Variants in PCDHGA8 observed in about 807,000 individuals in gnomAD.
PCDHGA8 encodes protocadherin gamma-A8.
A neutral mutation model predicts 59.2 loss-of-function variants in PCDHGA8; 45 were observed. The ratio of observed to expected loss-of-function variants is 0.76; its 90% CI spans 0.60 to 0.98. The LOEUF is 0.98. Among genes scored for constraint, PCDHGA8 ranks in the 50% least tolerant of loss-of-function variants. PCDHGA8 has a pLI of 0.00. For synonymous variants in PCDHGA8, 531 were observed against 519.0 expected (o/e 1.02, Z -0.32); for missense variants, 1,257 against 1,196.2 (o/e 1.05, Z -0.75).
At chr5:141,459,632 A>G (rs1202000974) in intron 1 of PCDHGA8, among the ~76,000 whole-genome samples, 1 of 152,214 alleles carries the variant, frequency 6.6e-6, no homozygotes, top group East Asian at 1.9e-4. Flanking sequence ...AAGCTGCCAA[A>G]CTATTTTTCA....
In PCDHGA8 at chr5:141,419,475, C is replaced by T. The variant is rs775720158; in HGVS notation, c.2424+24238C>T. On this transcript the variant is annotated intron_variant, in intron 1 of 3. Coordinates refer to ENST00000398604, the MANE Select transcript of PCDHGA8 (RefSeq NM_032088.2). Reference sequence around the variant, plus strand: ...ACGCTGCAGGCCCGCGACCAGGGCTCGCCCGCGCTCAGCGCCAATGTGAGC... The same window carrying T: ...ACGCTGCAGGCCCGCGACCAGGGCTTGCCCGCGCTCAGCGCCAATGTGAGC... The T allele has an allele frequency of 4.6e-5, 74 of 1,612,266 alleles. No homozygotes were observed. The highest frequency in any genetic ancestry group is 5.9e-5 in the Non-Finnish European group (70 of 1,179,514).
Position 141,477,914 on chromosome 5 carries a change from G to T in PCDHGA8, c.2425-16893G>T. On this transcript the variant is annotated intron_variant, in intron 1 of 3. Coordinates refer to ENST00000398604, the MANE Select transcript of PCDHGA8 (RefSeq NM_032088.2). The surrounding 1 kb of genome is among the most constrained non-coding windows in gnomAD (Gnocchi z 4.9). ...ACGGGTGGTAGGCTGGGACGCGGAT[G>T]CAGGGCACAATGCCTGGCTCTCCTA... 2 of 1,614,204 alleles carry T rather than the reference G, an allele frequency of 1.2e-6. No homozygotes were observed. The highest frequency in any genetic ancestry group is 1.7e-6 in the Non-Finnish European group (2 of 1,180,044).
Position 141,485,842 on chromosome 5 carries a change from T to G in PCDHGA8, c.2425-8965T>G. 4 of 1,614,002 alleles carry G rather than the reference T, an allele frequency of 2.5e-6. No homozygotes were observed. The highest frequency in any genetic ancestry group is 3.4e-6 in the Non-Finnish European group (4 of 1,179,982). On this transcript the variant is annotated intron_variant, in intron 1 of 3. Coordinates refer to ENST00000398604, the MANE Select transcript of PCDHGA8 (RefSeq NM_032088.2). The surrounding 1 kb of genome is among the most constrained non-coding windows in gnomAD (Gnocchi z 5.7). ...TCGATGGAGGGAACCCGCCGAGATC[T>G]GGCACCGCAGAGCTCCGGGTATCCG...
At chr5:141,454,941 G>A (rs2098807517) in intron 1 of PCDHGA8, among the ~76,000 whole-genome samples, 1 of 150,970 alleles carries the variant, frequency 6.6e-6, no homozygotes, top group Non-Finnish European at 1.5e-5. Flanking sequence ...CCGAGTAGCT[G>A]GGACTACAGG....
At position 141,487,667 on chromosome 5, in the gene PCDHGA8, ATATGGCTAGGCCATG is replaced by A; in HGVS notation, c.2425-7138_2425-7124del. 1.9e-6 allele frequency: 3 copies of A among 1,612,782 alleles called. No individual in the cohort carries two copies. In the South Asian group the frequency reaches 3.3e-5, roughly 18 times the overall value. ...GCTTGAGGGTTATTCTGATCCAGGC[ATATGGCTAGGCCATG>A]TCCTAGAGAGTACTGGCCTCTCAGT... On this transcript the variant is annotated intron_variant, in intron 1 of 3. Transcript: ENST00000398604. The surrounding 1 kb of genome is among the most constrained non-coding windows in gnomAD (Gnocchi z 5.0).
chr5:141,431,408 G>A lies in PCDHGA8; in HGVS notation c.2424+36171G>A. ...CCACCTGGTCCTTACGGCCTCCGAC[G>A]GGGGCGACCCGGTGCGCACAGGCAC... On this transcript the variant is annotated intron_variant, in intron 1 of 3. Transcript: ENST00000398604. The surrounding 1 kb of genome is among the most constrained non-coding windows in gnomAD (Gnocchi z 4.8). 6.2e-7 allele frequency: 1 copy of A among 1,613,718 alleles called. No individual in the cohort carries two copies. The highest frequency in any genetic ancestry group is 2.2e-5 in the East Asian group (1 of 44,882).
At chr5:141,498,991 AG>A (rs1449718352) in intron 2 of PCDHGA8, among the ~76,000 whole-genome samples, 8 of 144,362 alleles carry the variant, frequency 5.5e-5, no homozygotes, top group Non-Finnish European at 1.0e-4. Context: ...GAAGGAAGGA[AG>A]GAAGGAAGGA....
At chr5:141,498,073 T>C (rs1474889879) in intron 2 of PCDHGA8, among the ~76,000 whole-genome samples, 1 of 152,214 alleles carries the variant, frequency 6.6e-6, no homozygotes, top group Non-Finnish European at 1.5e-5. Context: ...CTGTCATAAG[T>C]GCTAGGTAGA....
chr5:141,459,090 A>G (rs769066156), intron 1 of PCDHGA8, among the ~76,000 whole-genome samples: 4 of 152,218 alleles, frequency 2.6e-5, no homozygotes, highest in Non-Finnish European at 4.4e-5. Flanking sequence ...TTAAAATTAT[A>G]CAGTGCAATG....
intron 1 of PCDHGA8, chr5:141,428,371 C>A: frequency 5.6e-6 from 3 of 536,772 alleles, no homozygotes; most frequent in Non-Finnish European, 1.0e-5. Flanking sequence ...CGCCTTGCAC[C>A]TGCGATGCTC....
At chr5:141,433,487 C>T (rs1052153936) in intron 1 of PCDHGA8, among the ~76,000 whole-genome samples, 3 of 152,094 alleles carry the variant, frequency 2.0e-5, no homozygotes, top group African/African-American at 7.2e-5. Context: ...TCCTGCTTCT[C>T]CCTCCCAAAC....
chr5:141,490,345 G>GT lies in PCDHGA8; in HGVS notation c.2425-4461dup, dbSNP rs1363310763. The GT allele has an allele frequency of 6.2e-7, 1 of 1,614,216 alleles. No individual in the cohort carries two copies. The highest frequency in any genetic ancestry group is 2.2e-5 in the East Asian group (1 of 44,886). ...AGAGAGCACACCAGTGGGCACAGTAGTGGGGTTGTTTAATGTGCGAGACCG... is the reference window on the plus strand; with the variant it reads ...AGAGAGCACACCAGTGGGCACAGTAGTTGGGGTTGTTTAATGTGCGAGACCG... On this transcript the variant is annotated intron_variant, in intron 1 of 3. Transcript: ENST00000398604. This position sits in a 1 kb window ranked among gnomAD's most constrained non-coding sequence, Gnocchi z 5.4.
At chr5:141,438,063 A>G (rs540817874) in intron 1 of PCDHGA8, among the ~76,000 whole-genome samples, 11 of 152,224 alleles carry the variant, frequency 7.2e-5, no homozygotes, top group Non-Finnish European at 1.5e-4. Context: ...CTTTTAAGAA[A>G]CCATACTTAA....
In PCDHGA8 at chr5:141,487,268, G is replaced by A; in HGVS notation, c.2425-7539G>A. ...CCTCTACTTGGCTGTGTCCCTAGTG[G>A]CAATTTGCTTTGTCTCCTTTGGCTC... On this transcript the variant is annotated intron_variant, in intron 1 of 3. Transcript: ENST00000398604. This position sits in a 1 kb window ranked among gnomAD's most constrained non-coding sequence, Gnocchi z 5.0. 4 of 1,614,100 alleles carry A rather than the reference G, an allele frequency of 2.5e-6. No homozygotes were observed. The South Asian group carries it at 4.4e-5, about 18-fold the overall frequency.
chr5:141,394,756 A>T lies in PCDHGA8; in HGVS notation c.1943A>T (p.Asp648Val), dbSNP rs757241753. 1.2e-6 allele frequency: 2 copies of T among 1,613,324 alleles called. No individual in the cohort carries two copies. Among genetic ancestry groups the T allele is most frequent in the Non-Finnish European group, 1.7e-6 (2 of 1,179,952 alleles). The part of the protein sequence containing the change: ...LKQSLVVAVQ[D>V]HGQPPLSATV... ...CAGAGCCTCGTGGTGGCCGTCCAGG[A>T]CCATGGCCAGCCCCCTCTCTCCGCC... The change falls in exon 1 of 4, where the codon GAC (aspartate) becomes GTC (valine). Residue 648 changes from aspartate (D) to valine (V), a missense_variant. Transcript: ENST00000398604.
At position 141,485,100 on chromosome 5, in the gene PCDHGA8, C is replaced by G. The variant is rs900224386; in HGVS notation, c.2425-9707C>G. 1.0e-5 allele frequency: 12 copies of G among 1,148,882 alleles called. No homozygotes were observed. Among genetic ancestry groups the G allele is most frequent in the Non-Finnish European group, 1.4e-5 (11 of 778,894 alleles). 71.2% of individuals were successfully genotyped at this position (1,148,882 alleles called of 1,614,324 possible). On this transcript the variant is annotated intron_variant, in intron 1 of 3. Coordinates refer to ENST00000398604, the MANE Select transcript of PCDHGA8 (RefSeq NM_032088.2). This position sits in a 1 kb window ranked among gnomAD's most constrained non-coding sequence, Gnocchi z 5.7. ...GGGAAAGGGAGATAGGTGTCTCCAG[C>G]TGCTGTGGCTGTTTGGGGCGGGTCG...
intron 1 of PCDHGA8, among the ~76,000 whole-genome samples, chr5:141,456,460 C>G (rs1444956833): frequency 6.6e-6 from 1 of 152,002 alleles, no homozygotes; most frequent in East Asian, 1.9e-4. Context: ...AATATCAATA[C>G]AAGACATATA....
At chr5:141,499,007 AG>A (rs2099788320) in intron 2 of PCDHGA8, among the ~76,000 whole-genome samples, 1 of 151,128 alleles carries the variant, frequency 6.6e-6, no homozygotes, top group Non-Finnish European at 1.5e-5. Flanking sequence ...GAAGGAAGGA[AG>A]GAAGGAAGGA....
chr5:141,441,843 G>T, intron 1 of PCDHGA8: 1 of 356,176 alleles, frequency 2.8e-6, no homozygotes. Context: ...TCGCGCTCTT[G>T]GATATGGTGC....
Sources: gnomAD v4.1 joint callset for allele counts (sites outside exome capture counted in the v4.1 genomes callset) on GRCh38, gnomAD v4.1.1 for gene constraint, Gnocchi (gnomAD v3.1) non-coding constraint, MANE v1.5 for transcripts, NCBI Gene and HGNC (gene_info 2026-07-23, HGNC 2026-07-21) for gene names.